DNAH8: variants seen among roughly 807,000 people sequenced by gnomAD.
DNAH8 encodes the protein axonemal beta dynein heavy chain 8.
DNAH8 carries 382 observed loss-of-function variants against 562.1 expected under a neutral mutation model. That is an observed-to-expected ratio of 0.68 (90% CI 0.63 to 0.74). The LOEUF is 0.74. Ranked by LOEUF, DNAH8 falls within the 30% of genes least tolerant of loss-of-function variation. The pLI, the probability that DNAH8 is intolerant of heterozygous loss-of-function variation, is 0.00. For synonymous variants in DNAH8, 1,881 were observed against 1,919.4 expected (o/e 0.98, Z 0.52); for missense variants, 5,203 against 5,620.4 (o/e 0.93, Z 2.37).
At chr6:38,875,009 G>A (rs1036653599) in intron 52 of DNAH8, among the ~76,000 whole-genome samples, 5 of 152,198 alleles carry the variant, frequency 3.3e-5, no homozygotes, top group Non-Finnish European at 5.9e-5. Context: ...TAAAGGGCCA[G>A]GTAGTATTAA....
chr6:39,007,947 C>CACA (rs1765901242), intron 88 of DNAH8, among the ~76,000 whole-genome samples: 1 of 120,100 alleles, frequency 8.3e-6, no homozygotes, highest in South Asian at 3.4e-4. Flanking sequence ...CCCCACCCAC[C>CACA]CACACACACA....
chr6:38,737,703 G>A (rs1264282515), intron 6 of DNAH8, 106 bp from the exon 7 acceptor site: 3 of 438,406 alleles, frequency 6.8e-6, no homozygotes, highest in Non-Finnish European at 1.0e-5. Flanking sequence ...TTAACACATT[G>A]ACATTAAATA....
At chr6:38,956,348 G>A (rs909684689) in intron 82 of DNAH8, among the ~76,000 whole-genome samples, 4 of 152,126 alleles carry the variant, frequency 2.6e-5, no homozygotes, top group African/African-American at 7.2e-5. Context: ...AATGAGATGA[G>A]CTCTTCAGCC....
At chr6:38,972,239 A>G (rs1763396333) in intron 83 of DNAH8, among the ~76,000 whole-genome samples, 1 of 152,186 alleles carries the variant, frequency 6.6e-6, no homozygotes, top group Non-Finnish European at 1.5e-5. Flanking sequence ...ATAAGAAATT[A>G]TACCATTTAT....
chr6:38,867,717 C>A (rs1269511765), intron 47 of DNAH8, among the ~76,000 whole-genome samples: 1 of 139,440 alleles, frequency 7.2e-6, no homozygotes, highest in Non-Finnish European at 1.5e-5. Context: ...CCCGCCACTG[C>A]ACTTCAGCCT....
rs372274227 is a variant in DNAH8 at position 38,863,496 on chromosome 6, CACAACAACAACA to C, written c.6311-360_6311-349del. Among the ~76,000 whole-genome samples, 3 of 151,456 alleles carry C rather than the reference CACAACAACAACA, an allele frequency of 2.0e-5. No homozygotes were observed. In the South Asian group the frequency reaches 6.2e-4, roughly 32 times the overall value. ...AACTCCTGATCTCTAGGTGCTCAGA[CACAACAACAACA>C]ACAACAACAACAACAAACAAAACAA... On this transcript the variant is annotated intron_variant, in intron 44 of 92. Transcript: ENST00000327475.
chr6:38,781,228 C>T (rs541653077), intron 15 of DNAH8, 26 bp from the exon 16 acceptor site: 2 of 1,612,312 alleles, frequency 1.2e-6, no homozygotes, highest in Non-Finnish European at 1.7e-6. Context: ...TGAATTCAAA[C>T]ATTAACATCA....
chr6:38,924,907 A>G (rs1380747033), intron 73 of DNAH8: 1 of 152,196 alleles, frequency 6.6e-6, no homozygotes, highest in Non-Finnish European at 1.5e-5. Flanking sequence ...GTCCTTTCAT[A>G]CTAACCTTCC....
At chr6:39,020,421 A>C (rs1306173853) in intron 91 of DNAH8, among the ~76,000 whole-genome samples, 1 of 152,142 alleles carries the variant, frequency 6.6e-6, no homozygotes, top group African/African-American at 2.4e-5. Context: ...TCACCCAGGG[A>C]GCTTTTAACA....
Position 38,924,070 on chromosome 6 carries a change from C to T in DNAH8, c.10870C>T (p.Leu3624Phe). The change falls in exon 73 of 93, where the codon CTT becomes TTT. Residue 3624 changes from leucine (L) to phenylalanine (F), a missense_variant. Coordinates refer to ENST00000327475, the MANE Select transcript of DNAH8 (RefSeq NM_001206927.2). ...CAATCAGATATTTAGGAACTATTTGCTTAAAGATCAATGGGAAATGGAGTT... is the reference window on the plus strand; with the variant it reads ...CAATCAGATATTTAGGAACTATTTGTTTAAAGATCAATGGGAAATGGAGTT... ...PFNQIFRNYL[L>F]KDQWEMELRA... 1 of 1,613,964 alleles carries T rather than the reference C, an allele frequency of 6.2e-7. No homozygotes were observed. The highest frequency in any genetic ancestry group is 8.5e-7 in the Non-Finnish European group (1 of 1,179,886).
chr6:38,852,708 A>C lies in DNAH8; in HGVS notation c.5481A>C (p.Ala1827=). ...CTGTCTTACAGCCGCATCTCCCTGCAGTATCTGACAACATCAATGAGGTGA... is the reference window on the plus strand; with the variant it reads ...CTGTCTTACAGCCGCATCTCCCTGCCGTATCTGACAACATCAATGAGGTGA... ...DSHTIQPHLP[A]VSDNINEVTF... is the part of the protein sequence containing the mutation. Residue 1827 remains alanine (A), a synonymous_variant, in exon 40 of 93, where the codon GCA becomes GCC. Transcript: ENST00000327475. The C allele has an allele frequency of 6.2e-7, 1 of 1,613,284 alleles. No individual in the cohort carries two copies. The highest frequency in any genetic ancestry group is 8.5e-7 in the Non-Finnish European group (1 of 1,179,430).
At chr6:38,892,995 G>T (rs923716748) in intron 58 of DNAH8, among the ~76,000 whole-genome samples, 4 of 151,826 alleles carry the variant, frequency 2.6e-5, no homozygotes, top group Admixed American at 6.6e-5. Flanking sequence ...CCTGGCCCTG[G>T]TTTTTTTTAA....
chr6:38,733,089 A>AACCAAC (rs1314827496), intron 4 of DNAH8, among the ~76,000 whole-genome samples: 1 of 152,092 alleles, frequency 6.6e-6, no homozygotes, highest in Non-Finnish European at 1.5e-5. Flanking sequence ...ACAAGGTCTT[A>AACCAAC]CTGTGTTGCC....
At position 38,864,166 on chromosome 6, in the gene DNAH8, A is replaced by G. The variant is rs862422; in HGVS notation, c.6498+106A>G. ...AGATGACCAACTATCCAGGAGTTAT[A>G]AGCTGTTCTCTCTTACCATATGATT... On this transcript the variant is annotated intron_variant, in intron 45 of 92. Transcript: ENST00000327475. The G allele has an allele frequency of 0.66, 643,526 of 979,252 alleles. 213,600 individuals are homozygous for G. Among genetic ancestry groups the G allele is most frequent in the East Asian group, 0.82 (30,641 of 37,238 alleles). The allele number at this position is 979,252 out of a possible 1,614,324, so 60.7% of individuals were successfully genotyped here.
intron 41 of DNAH8, 151 bp downstream of exon 41, chr6:38,853,498 C>A (rs1265099244): frequency 2.5e-6 from 2 of 795,834 alleles, no homozygotes; most frequent in African/African-American, 1.8e-5. Flanking sequence ...CCTCAGCTCC[C>A]AACCACCTGC....
chr6:38,816,795 G>T (rs576906590), intron 26 of DNAH8, among the ~76,000 whole-genome samples: 1 of 152,266 alleles, frequency 6.6e-6, no homozygotes, highest in South Asian at 2.1e-4. Flanking sequence ...GCATGAGATG[G>T]TATCTCACTG....
chr6:38,905,675 T>A (rs1370559002), intron 62 of DNAH8, among the ~76,000 whole-genome samples: 1 of 152,164 alleles, frequency 6.6e-6, no homozygotes, highest in African/African-American at 2.4e-5. Flanking sequence ...TATTCCCACT[T>A]ATGCTTTGTG....
At chr6:38,874,667 C>G (rs1187219395) in intron 52 of DNAH8, among the ~76,000 whole-genome samples, 1 of 152,034 alleles carries the variant, frequency 6.6e-6, no homozygotes, top group Non-Finnish European at 1.5e-5. Flanking sequence ...CCATGCCCAG[C>G]CAGCATTCTT....
intron 21 of DNAH8, among the ~76,000 whole-genome samples, chr6:38,792,905 A>G (rs1769890265): frequency 6.6e-6 from 1 of 152,032 alleles, no homozygotes; most frequent in Non-Finnish European, 1.5e-5. Context: ...CAGCCTCCCA[A>G]GTAGCTGAGA....
Sources: gnomAD v4.1 joint callset for allele counts (sites outside exome capture counted in the v4.1 genomes callset) on GRCh38, gnomAD v4.1.1 for gene constraint, MANE v1.5 for transcripts, NCBI Gene and HGNC (gene_info 2026-07-23, HGNC 2026-07-21) for gene names.